The following NR3C1 variants were observed in gnomAD, a reference collection of about 807,000 sequenced individuals.
NR3C1 encodes glucocorticoid receptor.
A neutral mutation model predicts 74.0 loss-of-function variants in NR3C1; 14 were observed. The observed-to-expected ratio is 0.19, with a 90% CI of 0.12 to 0.30. NR3C1 has a LOEUF of 0.30. NR3C1 is among the 10% of genes least tolerant of loss of function. NR3C1 has a pLI of 1.00. For synonymous variants in NR3C1, 308 were observed against 332.5 expected, an observed-to-expected ratio of 0.93 and a Z score of 0.80; for missense variants, 695 against 909.8, an observed-to-expected ratio of 0.76 and a Z score of 3.04.
In NR3C1 at chr5:143,279,583, GT is replaced by G; in HGVS notation, c.*2305del. On this transcript the variant is annotated 3_prime_UTR_variant, in exon 9 of 9. Transcript: ENST00000394464. Reference sequence around the variant, plus strand: ...GAGAGCATTCAAAAAGCAAATGATTGTTTTTTTATTAAATAATTTCTCCAAA... The same window carrying G: ...GAGAGCATTCAAAAAGCAAATGATTGTTTTTTATTAAATAATTTCTCCAAA... 2.0e-6 allele frequency: 1 copy of G among 495,174 alleles called. No homozygotes were observed. 30.7% of individuals were successfully genotyped at this position (495,174 alleles called of 1,614,324 possible).
chr5:143,309,237 T>TC, intron 4 of NR3C1, among the ~76,000 whole-genome samples: 1 of 152,180 alleles, frequency 6.6e-6, no homozygotes. Context: ...CACGCTCCGC[T>TC]AATTTTTGTG....
chr5:143,317,117 T>C (rs1445313478), intron 2 of NR3C1, among the ~76,000 whole-genome samples: 3 of 152,106 alleles, frequency 2.0e-5, no homozygotes, highest in Non-Finnish European at 4.4e-5. Context: ...ATTTTTGTCA[T>C]ACAAATAGGA....
intron 1 of NR3C1, among the ~76,000 whole-genome samples, chr5:143,410,206 C>T (rs1317311397): frequency 6.6e-6 from 1 of 152,138 alleles, no homozygotes; most frequent in Non-Finnish European, 1.5e-5. Flanking sequence ...CTTTTCTCTC[C>T]CATGTTCCTT....
chr5:143,389,198 C>T (rs1486008691), intron 2 of NR3C1, among the ~76,000 whole-genome samples: 1 of 152,188 alleles, frequency 6.6e-6, no homozygotes, highest in East Asian at 1.9e-4. Context: ...TCAGAGTGCT[C>T]TCCATGCTGC....
At chr5:143,362,486 G>T (rs528582925) in intron 2 of NR3C1, among the ~76,000 whole-genome samples, 42 of 150,680 alleles carry the variant, frequency 2.8e-4, no homozygotes, top group African/African-American at 1.0e-3. Context: ...TCAGCCTCCC[G>T]AGTAGCTGGG....
At chr5:143,358,279 G>T (rs1345606651) in intron 2 of NR3C1, among the ~76,000 whole-genome samples, 1 of 152,210 alleles carries the variant, frequency 6.6e-6, no homozygotes, top group East Asian at 1.9e-4. Context: ...AAGAGGACAT[G>T]AGAAAGGAAG....
At chr5:143,350,365 C>G (rs1250740759) in intron 2 of NR3C1, among the ~76,000 whole-genome samples, 1 of 151,956 alleles carries the variant, frequency 6.6e-6, no homozygotes, top group East Asian at 1.9e-4. Context: ...TTTATTTAGT[C>G]CAATCTATGA....
At chr5:143,412,714 GA>G (rs1169744117) in intron 1 of NR3C1, among the ~76,000 whole-genome samples, 1 of 152,108 alleles carries the variant, frequency 6.6e-6, no homozygotes, top group South Asian at 2.1e-4. Flanking sequence ...CATTTTTCAA[GA>G]GAAGTTATTA....
In NR3C1 at chr5:143,419,933, C is replaced by T. The variant is rs191790809; in HGVS notation, c.-14+14599G>A. 1.9e-3 allele frequency among the ~76,000 whole-genome samples: 285 copies of T among 152,264 alleles called. 1 individual carries two copies. Among genetic ancestry groups the T allele is most frequent in the African/African-American group, 6.5e-3 (271 of 41,552 alleles). ...CAGTTTCAACCATAGAAGACAGCCA[C>T]ACCCAAGGGGGCCATTTCAGAGACC... On this transcript the variant is annotated intron_variant, in intron 1 of 8. Transcript: ENST00000343796.
intron 1 of NR3C1, among the ~76,000 whole-genome samples, chr5:143,418,107 G>A (rs751368640): frequency 6.6e-6 from 1 of 152,194 alleles, no homozygotes; most frequent in African/African-American, 2.4e-5. Context: ...CAGACTGAAT[G>A]TGCAAGCTTT....
intron 2 of NR3C1, among the ~76,000 whole-genome samples, chr5:143,317,094 G>A (rs1477639317): frequency 6.6e-6 from 1 of 152,094 alleles, no homozygotes; most frequent in Non-Finnish European, 1.5e-5. Flanking sequence ...ATAGACATCG[G>A]TGAAAAAAGC....
intron 1 of NR3C1, 118 bp downstream of exon 1, chr5:143,403,093 A>AC: frequency 1.5e-5 from 4 of 264,004 alleles, no homozygotes; most frequent in African/African-American, 7.4e-5. Flanking sequence ...CCCCACCCCC[A>AC]CTCCCCGAGG....
chr5:143,385,200 G>A (rs1044639265), intron 2 of NR3C1, among the ~76,000 whole-genome samples: 14 of 152,200 alleles, frequency 9.2e-5, no homozygotes, highest in African/African-American at 1.9e-4. Flanking sequence ...AGAGAGCAGC[G>A]CAACCCTGGG....
intron 2 of NR3C1, among the ~76,000 whole-genome samples, chr5:143,355,610 G>C (rs1425370417): frequency 6.6e-6 from 1 of 152,148 alleles, no homozygotes; most frequent in African/African-American, 2.4e-5. Flanking sequence ...AAGTAGGGCA[G>C]AGAAACTCCC....
At chr5:143,325,209 T>TG (rs1824307009) in intron 2 of NR3C1, among the ~76,000 whole-genome samples, 1 of 152,188 alleles carries the variant, frequency 6.6e-6, no homozygotes, top group Admixed American at 6.5e-5. Context: ...TAATTGGACT[T>TG]AGAGTTCCAC....
At position 143,295,221 on chromosome 5, in the gene NR3C1, AAC is replaced by A. The variant is rs1243673100; in HGVS notation, c.2023+237_2023+238del. The A allele has an allele frequency of 5.6e-5, 55 of 985,434 alleles. No individual in the cohort carries two copies. The South Asian group carries it at 2.4e-3, about 43-fold the overall frequency. The allele number at this position is 985,434 out of a possible 1,614,324, so 61.0% of individuals were successfully genotyped here. On this transcript the variant is annotated intron_variant, in intron 7 of 8. Coordinates refer to ENST00000394464, the MANE Select transcript of NR3C1 (RefSeq NM_000176.3). ...AAAAAAGTCTACACAGATTCTTATC[AAC>A]AGAGATCCCTATGCAGCTCATATAC...
chr5:143,344,388 A>C (rs1386288312), intron 2 of NR3C1, among the ~76,000 whole-genome samples: 1 of 152,238 alleles, frequency 6.6e-6, no homozygotes, highest in Admixed American at 6.5e-5. Context: ...TTATGGTCTA[A>C]GTACTTTATT....
At chr5:143,314,328 G>A (rs1380013717) in intron 2 of NR3C1, among the ~76,000 whole-genome samples, 160 bp from the exon 3 acceptor site, 3 of 151,588 alleles carry the variant, frequency 2.0e-5, no homozygotes, top group African/African-American at 7.3e-5. Flanking sequence ...TTCAAATCAT[G>A]TTATATTCTT....
chr5:143,397,596 T>C (rs1390125802), intron 2 of NR3C1, among the ~76,000 whole-genome samples: 1 of 151,930 alleles, frequency 6.6e-6, no homozygotes, highest in African/African-American at 2.4e-5. Flanking sequence ...CAAAATACCC[T>C]GTATAAAGTA....
Sources: gnomAD v4.1 joint callset for allele counts (sites outside exome capture counted in the v4.1 genomes callset) on GRCh38, gnomAD v4.1.1 for gene constraint, MANE v1.5 for transcripts, NCBI Gene and HGNC (gene_info 2026-07-23, HGNC 2026-07-21) for gene names.